Variants in RPS6KC1 observed in about 807,000 individuals in gnomAD.
RPS6KC1 encodes the protein ribosomal protein S6 kinase C1.
A neutral mutation model predicts 103.8 loss-of-function variants in RPS6KC1; 54 were observed. The ratio of observed to expected loss-of-function variants is 0.52; its 90% CI spans 0.42 to 0.65. The LOEUF is 0.65. Ranked by LOEUF, RPS6KC1 falls within the 30% of genes least tolerant of loss-of-function variation. The probability of loss-of-function intolerance (pLI) is 0.00; values close to 1 mark genes in which losing one functional copy is unlikely to be tolerated. For missense variants in RPS6KC1, 1,151 were observed against 1,253.8 expected, an observed-to-expected ratio of 0.92 and a Z score of 1.24; for synonymous variants, 439 against 438.7, an observed-to-expected ratio of 1.00 and a Z score of -0.01.
chr1:213,332,567 C>T, the RPS6KC1 span, among the ~76,000 whole-genome samples: 2 of 152,294 alleles, frequency 1.3e-5, no homozygotes, highest in East Asian at 1.9e-4. Flanking sequence ...GGAAGAGTCT[C>T]ATTAGTTAAT....
chr1:213,412,041 A>T, the RPS6KC1 span, among the ~76,000 whole-genome samples: 1 of 152,148 alleles, frequency 6.6e-6, no homozygotes, highest in Non-Finnish European at 1.5e-5. Context: ...ACTTGTTTTC[A>T]TAGCAGGCAC....
the RPS6KC1 span, among the ~76,000 whole-genome samples, chr1:213,707,285 T>C: frequency 2.0e-5 from 3 of 152,148 alleles, no homozygotes; most frequent in Admixed American, 2.0e-4. Flanking sequence ...TGATTTGCAT[T>C]TCTCTAATGA....
At chr1:213,328,493 C>T in the RPS6KC1 span, among the ~76,000 whole-genome samples, 1 of 115,198 alleles carries the variant, frequency 8.7e-6, no homozygotes, top group Non-Finnish European at 1.8e-5. Flanking sequence ...AACTGGGAGT[C>T]AGCCATTATA....
At chr1:213,625,609 G>A in the RPS6KC1 span, among the ~76,000 whole-genome samples, 1 of 152,166 alleles carries the variant, frequency 6.6e-6, no homozygotes, top group African/African-American at 2.4e-5. Flanking sequence ...TCCCCGGTGT[G>A]TGATGTTCCC....
At chr1:213,434,279 G>C in the RPS6KC1 span, among the ~76,000 whole-genome samples, 1 of 151,906 alleles carries the variant, frequency 6.6e-6, no homozygotes, top group East Asian at 1.9e-4. Flanking sequence ...TTGTATTTCT[G>C]AAAAAGTCTT....
the RPS6KC1 span, among the ~76,000 whole-genome samples, chr1:213,445,234 A>G: frequency 3.3e-5 from 5 of 152,158 alleles, no homozygotes; most frequent in East Asian, 9.7e-4. Context: ...ATCATGTTTT[A>G]TTTCTCCGTT....
chr1:213,559,981 T>C, the RPS6KC1 span, among the ~76,000 whole-genome samples: 3,882 of 152,304 alleles, frequency 0.025, 289 homozygotes, highest in East Asian at 0.29. Context: ...AAGCTACTTA[T>C]AGTATTTCAC....
At chr1:213,133,366 TTAAG>T (rs2085874092) in intron 6 of RPS6KC1, among the ~76,000 whole-genome samples, 1 of 152,194 alleles carries the variant, frequency 6.6e-6, no homozygotes, top group Admixed American at 6.5e-5. Context: ...AATAAAATGT[TTAAG>T]TAATTTATTA....
Position 213,273,618 on chromosome 1 carries a change from C to T in RPS6KC1, c.*984C>T, listed in dbSNP as rs1227433086. ...CTTGGTATACTAAGAAGCAAAGGAT[C>T]TCATCTAAATGGAATTGAATGGCAG... On this transcript the variant is annotated 3_prime_UTR_variant, in exon 15 of 15. Transcript: ENST00000366960. The T allele has an allele frequency of 1.3e-5, 2 of 152,536 alleles. No individual in the cohort carries two copies. The highest frequency in any genetic ancestry group is 2.9e-5 in the Non-Finnish European group (2 of 68,046). The allele number at this position is 152,536 out of a possible 1,614,324, so 9.4% of individuals were successfully genotyped here.
chr1:213,073,516 A>G (rs907753799), intron 2 of RPS6KC1, among the ~76,000 whole-genome samples: 1 of 152,188 alleles, frequency 6.6e-6, no homozygotes, highest in Non-Finnish European at 1.5e-5. Context: ...TTTTTAAACA[A>G]ATTAACCTGT....
At chr1:213,169,063 T>G (rs2091251781) in intron 7 of RPS6KC1, among the ~76,000 whole-genome samples, 1 of 148,316 alleles carries the variant, frequency 6.7e-6, no homozygotes, top group Admixed American at 6.7e-5. Flanking sequence ...TTAAATGAAG[T>G]AAAAAAAAAA....
At chr1:213,227,841 G>A (rs183189292) in intron 8 of RPS6KC1, among the ~76,000 whole-genome samples, 1 of 152,124 alleles carries the variant, frequency 6.6e-6, no homozygotes, top group African/African-American at 2.4e-5. Flanking sequence ...ATAGACGATA[G>A]TTCTCTGTTT....
chr1:213,704,600 A>G, the RPS6KC1 span, among the ~76,000 whole-genome samples: 2 of 152,288 alleles, frequency 1.3e-5, no homozygotes, highest in Middle Eastern at 3.4e-3. Context: ...GAAAGTTCAC[A>G]TATCTCTGTT....
chr1:213,535,028 C>A, the RPS6KC1 span, among the ~76,000 whole-genome samples: 2 of 152,212 alleles, frequency 1.3e-5, no homozygotes, highest in Non-Finnish European at 2.9e-5. Flanking sequence ...ACTGACACTG[C>A]AAACTACCTA....
the RPS6KC1 span, among the ~76,000 whole-genome samples, chr1:213,385,463 G>A: frequency 6.6e-6 from 1 of 152,182 alleles, no homozygotes; most frequent in African/African-American, 2.4e-5. Context: ...ATCATGCCAT[G>A]CTGCCTTCAA....
chr1:213,572,189 C>T, the RPS6KC1 span, among the ~76,000 whole-genome samples: 1 of 152,292 alleles, frequency 6.6e-6, no homozygotes, highest in East Asian at 1.9e-4. Flanking sequence ...TCAGAGAGGT[C>T]TCGGAGGCCA....
rs139002433 is a variant in RPS6KC1 at position 213,058,774 on chromosome 1, TTATC to T, written c.105+7269_105+7272del. Among the ~76,000 whole-genome samples, 239 of 152,320 alleles carry T rather than the reference TTATC, an allele frequency of 1.6e-3. 6 individuals are homozygous for T. In the East Asian group the frequency reaches 0.041, roughly 26 times the overall value. On this transcript the variant is annotated intron_variant, in intron 1 of 14. Transcript: ENST00000366960. ...TTTTCATATATATTTTAGAATCAGT[TTATC>T]TATAGCTACAAAAAATCCTTTTGGG...
the RPS6KC1 span, chr1:213,841,919 A>T: frequency 6.6e-6 from 1 of 152,050 alleles, no homozygotes; most frequent in Non-Finnish European, 1.5e-5. Flanking sequence ...CACAATCCCA[A>T]TTGCACTTCA....
At chr1:213,650,416 C>T in the RPS6KC1 span, among the ~76,000 whole-genome samples, 254 of 152,300 alleles carry the variant, frequency 1.7e-3, 8 homozygotes, top group South Asian at 0.045. Flanking sequence ...AAAGTATCAG[C>T]AGTGATCCCC....
Sources: gnomAD v4.1 joint callset for allele counts (sites outside exome capture counted in the v4.1 genomes callset) on GRCh38, gnomAD v4.1.1 for gene constraint, MANE v1.5 for transcripts, NCBI Gene and HGNC (gene_info 2026-07-23, HGNC 2026-07-21) for gene names.